The following YAP1 variants were observed in gnomAD, a reference collection of about 807,000 sequenced individuals.
YAP1 encodes transcriptional coactivator YAP1.
Under a neutral mutation model 56.9 loss-of-function variants are expected in YAP1, and 5 were observed. That is an observed-to-expected ratio of 0.09 (90% CI 0.05 to 0.18). YAP1 has a LOEUF of 0.18. YAP1 is among the 10% of genes least tolerant of loss of function. The pLI, the probability that YAP1 is intolerant of heterozygous loss-of-function variation, is 1.00. For missense variants in YAP1, 539 were observed against 651.8 expected, an observed-to-expected ratio of 0.83 and a Z score of 1.88; for synonymous variants, 265 against 248.1, an observed-to-expected ratio of 1.07 and a Z score of -0.64.
intron 2 of YAP1, among the ~76,000 whole-genome samples, chr11:102,129,674 A>G (rs1944257490): frequency 6.7e-6 from 1 of 149,134 alleles, no homozygotes; most frequent in South Asian, 2.1e-4. Context: ...ATGTGTTAGG[A>G]CCCTTTATTG....
chr11:102,180,327 A>G (rs1369072452), intron 3 of YAP1, among the ~76,000 whole-genome samples: 1 of 152,078 alleles, frequency 6.6e-6, no homozygotes, highest in African/African-American at 2.4e-5. Context: ...AAAATGCAAA[A>G]TATATACTCC....
At chr11:102,113,625 A>G (rs1428744787) in intron 1 of YAP1, among the ~76,000 whole-genome samples, 1 of 152,128 alleles carries the variant, frequency 6.6e-6, no homozygotes, top group African/African-American at 2.4e-5. Flanking sequence ...GTAATTTGTT[A>G]TGATTTCTTT....
At chr11:102,164,650 A>C (rs1946491989) in intron 3 of YAP1, among the ~76,000 whole-genome samples, 1 of 152,224 alleles carries the variant, frequency 6.6e-6, no homozygotes, top group Non-Finnish European at 1.5e-5. Context: ...GATGGTCTAG[A>C]GAAATGAGAG....
chr11:102,226,565 G>T (rs1468238763), intron 7 of YAP1, among the ~76,000 whole-genome samples: 1 of 152,196 alleles, frequency 6.6e-6, no homozygotes, highest in Non-Finnish European at 1.5e-5. Context: ...ATTTTGTAGA[G>T]TTAGTAGAAC....
Position 102,202,647 on chromosome 11 carries a change from A to G in YAP1, c.803-3246A>G, listed in dbSNP as rs1322494915. On this transcript the variant is annotated intron_variant, in intron 4 of 8. Transcript: ENST00000282441. ...AAATACTTAATATGGGAAAATTCTT[A>G]TTTATAGAACTTCAAATAATACATG... is the stretch of plus-strand genomic sequence containing the variant. Among the ~76,000 whole-genome samples the G allele has an allele frequency of 5.9e-5, 9 of 152,240 alleles. No homozygotes were observed. In the East Asian group the frequency reaches 1.5e-3, roughly 26 times the overall value.
At chr11:102,134,704 A>G (rs890830839) in intron 2 of YAP1, among the ~76,000 whole-genome samples, 1 of 151,438 alleles carries the variant, frequency 6.6e-6, no homozygotes, top group Non-Finnish European at 1.5e-5. Flanking sequence ...CTGGCCTTTT[A>G]TTTTACCTTT....
At chr11:102,117,579 C>A (rs903377738) in intron 2 of YAP1, among the ~76,000 whole-genome samples, 37 of 152,140 alleles carry the variant, frequency 2.4e-4, no homozygotes, top group Non-Finnish European at 3.7e-4. Flanking sequence ...AGTTTCCAGG[C>A]AGCATGATTA....
chr11:102,112,696 A>G (rs1022841422), intron 1 of YAP1: 34 of 985,364 alleles, frequency 3.5e-5, no homozygotes, highest in Non-Finnish European at 4.1e-5. Flanking sequence ...GGAGGAGGAA[A>G]GAAGGAAAAA....
intron 2 of YAP1, among the ~76,000 whole-genome samples, chr11:102,119,773 G>A (rs11225133): frequency 0.23 from 35,635 of 151,980 alleles, 4,281 homozygotes; most frequent in East Asian, 0.33. Context: ...TCATGACTCT[G>A]CATTGCCTTG....
At chr11:102,133,935 G>A (rs895786178) in intron 2 of YAP1, among the ~76,000 whole-genome samples, 2 of 152,110 alleles carry the variant, frequency 1.3e-5, no homozygotes, top group South Asian at 2.1e-4. Flanking sequence ...TCACACGACC[G>A]CTTTTTGTAC....
intron 2 of YAP1, among the ~76,000 whole-genome samples, chr11:102,139,304 G>A (rs1180565306): frequency 6.6e-6 from 1 of 151,826 alleles, no homozygotes; most frequent in African/African-American, 2.4e-5. Context: ...GAGGCTTTGC[G>A]AGAAAAAAGA....
At chr11:102,167,965 G>A (rs1169132696) in intron 3 of YAP1, among the ~76,000 whole-genome samples, 1 of 152,006 alleles carries the variant, frequency 6.6e-6, no homozygotes, top group Non-Finnish European at 1.5e-5. Context: ...GATAGCTTGA[G>A]CCCACGAGGT....
chr11:102,209,427 G>A, intron 5 of YAP1, 90 bp from the exon 6 acceptor site: 2 of 1,158,914 alleles, frequency 1.7e-6, no homozygotes, highest in South Asian at 2.7e-5. Flanking sequence ...GTGCTATGGT[G>A]ATATGTCTGG....
intron 2 of YAP1, among the ~76,000 whole-genome samples, chr11:102,134,610 TAAAG>T (rs1944564502): frequency 6.6e-6 from 1 of 151,802 alleles, no homozygotes; most frequent in African/African-American, 2.4e-5. Flanking sequence ...TCCAGGTTAA[TAAAG>T]AGAATATTGC....
rs187597491 is a variant in YAP1 at position 102,158,632 on chromosome 11, T to C, written c.573-3824T>C. On this transcript the variant is annotated intron_variant, in intron 2 of 8. Coordinates refer to ENST00000282441, the MANE Select transcript of YAP1 (RefSeq NM_001130145.3). ...ATCCATTCTTTGAAGTTTCCAAACC[T>C]TATCACAGTACCAGTATCAATGTTA... Among the ~76,000 whole-genome samples the C allele has an allele frequency of 3.9e-4, 59 of 152,332 alleles. No homozygotes were observed. In the Middle Eastern group the frequency reaches 0.01, roughly 26 times the overall value.
chr11:102,144,196 A>G (rs1945188263), intron 2 of YAP1, among the ~76,000 whole-genome samples: 1 of 152,218 alleles, frequency 6.6e-6, no homozygotes, highest in Non-Finnish European at 1.5e-5. Context: ...AATTCTTGAC[A>G]TTGTAGAAAT....
intron 6 of YAP1, among the ~76,000 whole-genome samples, chr11:102,209,882 G>A (rs1486842642): frequency 6.6e-6 from 1 of 152,064 alleles, no homozygotes; most frequent in Non-Finnish European, 1.5e-5. Context: ...TATTTGAATA[G>A]CTTAAAATAG....
rs368562581 is a variant in YAP1, at chr11:102,162,443, T to G, written c.573-13T>G. 1.0e-4 allele frequency: 161 copies of G among 1,610,452 alleles called. No individual in the cohort carries two copies. Among genetic ancestry groups the G allele is most frequent in the Admixed American group, 4.5e-4 (27 of 59,974 alleles). On this transcript the variant is annotated splice_polypyrimidine_tract_variant and intron_variant, in intron 2 of 8. Transcript: ENST00000282441. ...GTATTTGTTTCCTAATGCAGTGGTT[T>G]GTTTTGTCTTAGTCACATCGATCAG...
intron 5 of YAP1, among the ~76,000 whole-genome samples, chr11:102,209,314 T>C (rs1949277703): frequency 6.6e-6 from 1 of 152,182 alleles, no homozygotes; most frequent in Non-Finnish European, 1.5e-5. Context: ...TGTCCTATCC[T>C]CAATGCTGTT....
Sources: allele counts gnomAD v4.1 joint callset (sites outside exome capture counted in the v4.1 genomes callset), GRCh38; gene constraint gnomAD v4.1.1; transcripts MANE v1.5; gene names NCBI Gene and HGNC (gene_info 2026-07-23, HGNC 2026-07-21).